The following GLCCI1 variants were observed in gnomAD, a reference collection of about 807,000 sequenced individuals.
The protein encoded by GLCCI1 is glucocorticoid-induced transcript 1 protein.
In GLCCI1, 24 loss-of-function variants were observed where a neutral mutation model predicts 52.2. The ratio of observed to expected loss-of-function variants is 0.46; its 90% CI spans 0.33 to 0.65. GLCCI1 has a LOEUF of 0.65. Ranked by LOEUF, GLCCI1 falls within the 30% of genes least tolerant of loss-of-function variation. GLCCI1 has a pLI of 0.02. For missense variants in GLCCI1, 704 were observed against 701.5 expected, an observed-to-expected ratio of 1.00 and a Z score of -0.04; for synonymous variants, 310 against 276.5, an observed-to-expected ratio of 1.12 and a Z score of -1.20.
Position 7,975,380 on chromosome 7 carries a change from G to A in GLCCI1, c.457+5573G>A, listed in dbSNP as rs74597275. Reference sequence around the variant, plus strand: ...TCAGTGACTTCCCCTATACTATGCTGTGTCTCTAGTTTTAGGTAGGAAAGA... The same window carrying A: ...TCAGTGACTTCCCCTATACTATGCTATGTCTCTAGTTTTAGGTAGGAAAGA... On this transcript the variant is annotated intron_variant, in intron 1 of 7. Coordinates refer to ENST00000223145, the MANE Select transcript of GLCCI1 (RefSeq NM_138426.4). Among the ~76,000 whole-genome samples the A allele has an allele frequency of 4.4e-3, 675 of 152,268 alleles. 6 individuals are homozygous for A. The highest frequency in any genetic ancestry group is 0.015 in the African/African-American group (643 of 41,542).
At chr7:7,971,241 C>CTGAA (rs1780348356) in intron 1 of GLCCI1, among the ~76,000 whole-genome samples, 1 of 152,146 alleles carries the variant, frequency 6.6e-6, no homozygotes, top group Admixed American at 6.5e-5. Context: ...CCAGCAAATC[C>CTGAA]TGAATGAATG....
At position 8,008,684 on chromosome 7, in the gene GLCCI1, ATAACTT is replaced by A. The variant is rs545047742; in HGVS notation, c.609+4635_609+4640del. On this transcript the variant is annotated intron_variant, in intron 2 of 7. Transcript: ENST00000223145. Reference sequence around the variant, plus strand: ...AGTGTACACTTGTGCATTTTGCTGTATAACTTTAACTTTAAAAATACAGAATATGAA... The same window carrying A: ...AGTGTACACTTGTGCATTTTGCTGTATAACTTTAAAAATACAGAATATGAA... Among the ~76,000 whole-genome samples, 101 of 152,324 alleles carry A rather than the reference ATAACTT, an allele frequency of 6.6e-4. 1 individual carries two copies. The East Asian group carries it at 0.01, about 15-fold the overall frequency.
intron 1 of GLCCI1, among the ~76,000 whole-genome samples, chr7:7,989,491 C>G (rs1332086490): frequency 6.6e-6 from 1 of 151,948 alleles, no homozygotes; most frequent in African/African-American, 2.4e-5. Flanking sequence ...TTTTCACTGT[C>G]TTGTACTTTA....
chr7:8,038,762 A>G (rs565122707), intron 3 of GLCCI1, among the ~76,000 whole-genome samples: 1 of 152,314 alleles, frequency 6.6e-6, no homozygotes, highest in East Asian at 1.9e-4. Context: ...AAATAGGCAC[A>G]TGGGAGTTAA....
chr7:8,009,906 G>GA (rs557244591), intron 2 of GLCCI1, among the ~76,000 whole-genome samples: 2,036 of 137,818 alleles, frequency 0.015, 46 homozygotes, highest in African/African-American at 0.051. Context: ...AAAATAGAAT[G>GA]AAAAAAAAAA....
At chr7:8,000,404 G>A (rs1781029147) in intron 1 of GLCCI1, among the ~76,000 whole-genome samples, 1 of 152,096 alleles carries the variant, frequency 6.6e-6, no homozygotes. Flanking sequence ...ATGTGGGGAG[G>A]AGGTAAAGAT....
At chr7:8,003,817 G>C (rs1583963058) in intron 1 of GLCCI1, 91 bp from the exon 2 acceptor site, 1 of 1,153,260 alleles carries the variant, frequency 8.7e-7, no homozygotes, top group Non-Finnish European at 1.2e-6. Context: ...AGGAAAAATT[G>C]ACAGGATGAC....
At chr7:8,043,092 T>A (rs571031330) in intron 3 of GLCCI1, among the ~76,000 whole-genome samples, 6 of 152,356 alleles carry the variant, frequency 3.9e-5, no homozygotes. Flanking sequence ...AAGACTCAGA[T>A]GATCATTAGC....
rs767790969 is a variant in GLCCI1, at chr7:8,055,715, C to T, written c.813+166C>T. ...GTTAGAAAGCAGCCGGGCGGCCGGC[C>T]TTGGTGGCTCACGCCTGTAATCCCA... On this transcript the variant is annotated intron_variant, in intron 4 of 7. Transcript: ENST00000223145. 837 of 500,882 alleles carry T rather than the reference C, an allele frequency of 1.7e-3. 1 individual carries two copies. Among genetic ancestry groups the T allele is most frequent in the Non-Finnish European group, 2.6e-3 (737 of 279,936 alleles). 31.0% of individuals were successfully genotyped at this position (500,882 alleles called of 1,614,324 possible). A position where few individuals can be genotyped will look rare whatever the true frequency, so the allele number is the denominator to read the frequency against.
intron 1 of GLCCI1, among the ~76,000 whole-genome samples, chr7:7,978,914 A>G (rs565914855): frequency 2.6e-5 from 4 of 152,324 alleles, no homozygotes; most frequent in South Asian, 4.1e-4. Flanking sequence ...ATTGGTTTAT[A>G]TTAGCTAATT....
chr7:8,055,447 G>C lies in GLCCI1; in HGVS notation c.711G>C (p.Leu237=), dbSNP rs769329322. The change falls in exon 4 of 8, where the codon CTG becomes CTC. Residue 237 remains leucine, a synonymous_variant. Coordinates refer to ENST00000223145, the MANE Select transcript of GLCCI1 (RefSeq NM_138426.4). ...ADQLKEQIAK[L]RQQLQRSKQS... ...TGTCCCCAAAGCAGATCGCCAAACT[G>C]AGGCAGCAACTACAACGCAGTAAAC... 1.7e-4 allele frequency: 269 copies of C among 1,612,990 alleles called. No homozygotes were observed. The highest frequency in any genetic ancestry group is 2.2e-4 in the Non-Finnish European group (257 of 1,179,274).
chr7:8,076,757 T>C (rs755553721), intron 6 of GLCCI1, among the ~76,000 whole-genome samples: 1 of 152,160 alleles, frequency 6.6e-6, no homozygotes, highest in Non-Finnish European at 1.5e-5. Context: ...CCAACAAGAG[T>C]AAATGACCAT....
intron 3 of GLCCI1, among the ~76,000 whole-genome samples, chr7:8,040,000 A>C (rs1360043212): frequency 6.7e-6 from 1 of 150,254 alleles, no homozygotes; most frequent in African/African-American, 2.4e-5. Context: ...CTGTCTCAAA[A>C]AAAAAAAAAA....
chr7:7,973,323 C>T (rs930669519), intron 1 of GLCCI1, among the ~76,000 whole-genome samples: 2 of 151,796 alleles, frequency 1.3e-5, no homozygotes, highest in East Asian at 1.9e-4. Flanking sequence ...CTTTTTGAAA[C>T]CTCACAGACC....
intron 2 of GLCCI1, among the ~76,000 whole-genome samples, chr7:8,010,962 A>G (rs867721087): frequency 6.6e-6 from 1 of 151,892 alleles, no homozygotes; most frequent in African/African-American, 2.4e-5. Context: ...TAAAATATAT[A>G]TAACATGCTA....
intron 1 of GLCCI1, among the ~76,000 whole-genome samples, chr7:7,971,985 C>T (rs1415630508): frequency 6.6e-6 from 1 of 152,106 alleles, no homozygotes; most frequent in Admixed American, 6.5e-5. Context: ...CCCCCAGTTC[C>T]GTGATTATAT....
Position 8,016,450 on chromosome 7 carries a change from C to A in GLCCI1, c.610-6033C>A, listed in dbSNP as rs1223475079. Among the ~76,000 whole-genome samples the A allele has an allele frequency of 2.0e-5, 3 of 152,172 alleles. No homozygotes were observed. In the East Asian group the frequency reaches 5.8e-4, roughly 29 times the overall value. Reference sequence around the variant, plus strand: ...CACCACTGCACTCCAGCCTGGACGACAGAGCGAGACTCCATCTCAAAAACA... The same window carrying A: ...CACCACTGCACTCCAGCCTGGACGAAAGAGCGAGACTCCATCTCAAAAACA... On this transcript the variant is annotated intron_variant, in intron 2 of 7. Transcript: ENST00000223145.
chr7:8,063,454 GA>G (rs2127961884), intron 5 of GLCCI1, among the ~76,000 whole-genome samples: 1 of 151,638 alleles, frequency 6.6e-6, no homozygotes, highest in African/African-American at 2.4e-5. Flanking sequence ...CCTGTTTTTT[GA>G]CTTTTTAATA....
chr7:8,020,282 C>T (rs1442142909), intron 2 of GLCCI1, among the ~76,000 whole-genome samples: 1 of 152,102 alleles, frequency 6.6e-6, no homozygotes, highest in African/African-American at 2.4e-5. Context: ...TTTTCAGCTT[C>T]ATTATAATTT....
Sources: allele counts gnomAD v4.1 joint callset (sites outside exome capture counted in the v4.1 genomes callset), GRCh38; gene constraint gnomAD v4.1.1; transcripts MANE v1.5; gene names NCBI Gene and HGNC (gene_info 2026-07-23, HGNC 2026-07-21).